Variants in EPB41L4A observed in about 807,000 individuals in gnomAD.
EPB41L4A encodes the protein erythrocyte membrane protein band 4.1 like 4A, also known as band 4.1-like protein 4A.
A neutral mutation model predicts 108.6 loss-of-function variants in EPB41L4A; 100 were observed. The observed-to-expected ratio is 0.92, with a 90% CI of 0.78 to 1.09. The LOEUF (loss-of-function observed/expected upper bound fraction) is 1.09. Among genes scored for constraint, EPB41L4A ranks in the 50% least tolerant of loss-of-function variants. EPB41L4A has a pLI of 0.00. For missense variants in EPB41L4A, 1,030 were observed against 842.7 expected (o/e 1.22, Z -2.75); for synonymous variants, 319 against 289.0 (o/e 1.10, Z -1.05).
chr5:112,178,983 G>T lies in EPB41L4A; in HGVS notation c.1622+5033C>A, dbSNP rs1316654463. ...TGAAAAAAATAAATTAAAAAAAAAT[G>T]AAGAGAAAACACAAATCACCAACAT... On this transcript the variant is annotated intron_variant, in intron 18 of 22. Coordinates refer to ENST00000261486, the MANE Select transcript of EPB41L4A (RefSeq NM_022140.5). Among the ~76,000 whole-genome samples, 5 of 151,440 alleles carry T rather than the reference G, an allele frequency of 3.3e-5. No individual in the cohort carries two copies. In the South Asian group the frequency reaches 8.3e-4, roughly 25 times the overall value.
chr5:112,335,154 G>A (rs2150677559), intron 1 of EPB41L4A, among the ~76,000 whole-genome samples: 1 of 152,224 alleles, frequency 6.6e-6, no homozygotes, highest in South Asian at 2.1e-4. Flanking sequence ...TCCTGGCCAG[G>A]GCTTGGCACA....
chr5:112,334,948 A>C (rs955787924), intron 1 of EPB41L4A, among the ~76,000 whole-genome samples: 6 of 152,208 alleles, frequency 3.9e-5, no homozygotes, highest in African/African-American at 1.4e-4. Context: ...AAACTTTAGG[A>C]GAGAACACAA....
chr5:112,149,751 C>T (rs1759396187), intron 12 of EPB41L4A, among the ~76,000 whole-genome samples: 1 of 152,062 alleles, frequency 6.6e-6, no homozygotes, highest in Non-Finnish European at 1.5e-5. Context: ...AAATGCGTGT[C>T]TGAGTTGGCT....
intron 3 of EPB41L4A, among the ~76,000 whole-genome samples, chr5:112,279,556 C>T (rs1166167881): frequency 6.6e-6 from 1 of 152,124 alleles, no homozygotes; most frequent in East Asian, 1.9e-4. Context: ...CACTGAATTG[C>T]ACACAAAAAT....
At chr5:112,289,396 G>C (rs1365813097) in intron 2 of EPB41L4A, among the ~76,000 whole-genome samples, 1 of 152,138 alleles carries the variant, frequency 6.6e-6, no homozygotes, top group Non-Finnish European at 1.5e-5. Flanking sequence ...AGCCTACTCA[G>C]GTAATCCAGG....
intron 17 of EPB41L4A, among the ~76,000 whole-genome samples, chr5:112,187,078 T>C (rs1220416111): frequency 6.6e-6 from 1 of 152,206 alleles, no homozygotes; most frequent in Non-Finnish European, 1.5e-5. Context: ...AAGAATAAAA[T>C]ACCACAAACA....
At chr5:112,160,023 G>A (rs1480428145), downstream of EPB41L4A, among the ~76,000 whole-genome samples, 1 of 137,910 alleles carries the variant, frequency 7.3e-6, no homozygotes, top group Non-Finnish European at 1.5e-5. Context: ...CATTTCTCCT[G>A]CCTCAGCCTC....
chr5:112,398,087 A>T (rs1273375863), intron 1 of EPB41L4A, among the ~76,000 whole-genome samples: 1 of 152,256 alleles, frequency 6.6e-6, no homozygotes, highest in African/African-American at 2.4e-5. Flanking sequence ...GCATAAAACA[A>T]GCTGGCGAAA....
chr5:112,211,460 T>G (rs1762738839), intron 12 of EPB41L4A, among the ~76,000 whole-genome samples: 1 of 152,138 alleles, frequency 6.6e-6, no homozygotes, highest in African/African-American at 2.4e-5. Context: ...CGCATGCCTG[T>G]AATCCCAGAT....
intron 9 of EPB41L4A, among the ~76,000 whole-genome samples, chr5:112,252,116 T>C (rs1750719286): frequency 6.6e-6 from 1 of 152,040 alleles, no homozygotes; most frequent in East Asian, 1.9e-4. Flanking sequence ...AAATATAAAA[T>C]GAGGGAGAGT....
At chr5:112,346,216 A>ATTTTTTTTTTTTTTTTTTTTTTTTTTT (rs561328868) in intron 1 of EPB41L4A, among the ~76,000 whole-genome samples, 6 of 67,346 alleles carry the variant, frequency 8.9e-5, no homozygotes, top group African/African-American at 1.7e-4. Flanking sequence ...GGTACATTGC[A>ATTTTTTTTTTTTTTTTTTTTTTTTTTT]TTTTTTTTTT....
intron 17 of EPB41L4A, among the ~76,000 whole-genome samples, chr5:112,186,779 G>A (rs998752896): frequency 2.6e-5 from 4 of 152,148 alleles, no homozygotes; most frequent in African/African-American, 9.7e-5. Flanking sequence ...AAGAATGAAA[G>A]TGTCATTTCT....
At chr5:112,360,698 G>A (rs141272417) in intron 1 of EPB41L4A, among the ~76,000 whole-genome samples, 1,626 of 152,278 alleles carry the variant, frequency 0.011, 40 homozygotes, top group South Asian at 0.049. Flanking sequence ...CTGCCACCCC[G>A]TCTAAGAAGT....
chr5:112,292,349 A>G (rs903008640), intron 2 of EPB41L4A, among the ~76,000 whole-genome samples: 1 of 152,182 alleles, frequency 6.6e-6, no homozygotes, highest in African/African-American at 2.4e-5. Context: ...TCCTCTATAA[A>G]ATATCCTGCG....
intron 12 of EPB41L4A, among the ~76,000 whole-genome samples, chr5:112,218,636 T>C (rs1006886224): frequency 1.3e-5 from 2 of 152,228 alleles, no homozygotes; most frequent in African/African-American, 2.4e-5. Flanking sequence ...GAGGTTTTTA[T>C]TTGATGCAAT....
intron 9 of EPB41L4A, among the ~76,000 whole-genome samples, chr5:112,243,235 C>A (rs570929525): frequency 1.3e-4 from 20 of 148,606 alleles, no homozygotes; most frequent in Middle Eastern, 3.5e-3. Context: ...ATATATATAT[C>A]TATGTATATA....
At chr5:112,180,084 A>C (rs1161545854) in intron 18 of EPB41L4A, among the ~76,000 whole-genome samples, 6 of 152,204 alleles carry the variant, frequency 3.9e-5, no homozygotes, top group African/African-American at 1.4e-4. Context: ...CCGTACTGAG[A>C]ACTATAAAAC....
At chr5:112,325,922 T>TGA (rs778824603) in intron 1 of EPB41L4A, among the ~76,000 whole-genome samples, 5 of 152,050 alleles carry the variant, frequency 3.3e-5, no homozygotes, top group Non-Finnish European at 7.4e-5. Context: ...GAGGCTAAGG[T>TGA]GAGAGGATTG....
intron 1 of EPB41L4A, among the ~76,000 whole-genome samples, chr5:112,369,846 C>G (rs947594926): frequency 6.6e-6 from 1 of 152,206 alleles, no homozygotes; most frequent in African/African-American, 2.4e-5. Flanking sequence ...GCTCACTGGC[C>G]TCCACACTCT....
Sources: allele counts gnomAD v4.1 joint callset (sites outside exome capture counted in the v4.1 genomes callset), GRCh38; gene constraint gnomAD v4.1.1; transcripts MANE v1.5; gene names NCBI Gene and HGNC (gene_info 2026-07-23, HGNC 2026-07-21).